ALG6: variants seen among roughly 807,000 people sequenced by gnomAD.
ALG6 encodes the protein dolichyl pyrophosphate Man9GlcNAc2 alpha-1,3-glucosyltransferase.
A neutral mutation model predicts 66.6 loss-of-function variants in ALG6; 46 were observed. The observed-to-expected ratio is 0.69, with a 90% CI of 0.55 to 0.88. ALG6 has a LOEUF of 0.88. Among genes scored for constraint, ALG6 ranks in the 40% least tolerant of loss-of-function variants. ALG6 has a pLI of 0.00. For synonymous variants in ALG6, 185 were observed against 203.7 expected, an observed-to-expected ratio of 0.91 and a Z score of 0.78; for missense variants, 505 against 586.8, an observed-to-expected ratio of 0.86 and a Z score of 1.44.
At chr1:63,382,348 T>A (rs868549852) in intron 2 of ALG6, among the ~76,000 whole-genome samples, 1 of 151,656 alleles carries the variant, frequency 6.6e-6, no homozygotes, top group South Asian at 2.1e-4. Context: ...ACTACAAGCA[T>A]GAGCCACCAC....
At chr1:63,401,310 T>G (rs1197291961) in intron 3 of ALG6, among the ~76,000 whole-genome samples, 2 of 152,118 alleles carry the variant, frequency 1.3e-5, no homozygotes, top group African/African-American at 4.8e-5. Flanking sequence ...GAATGCTAAT[T>G]TAAAGAAATA....
intron 5 of ALG6, 61 bp downstream of exon 5, chr1:63,404,602 G>T (rs1038803082): frequency 3.0e-6 from 4 of 1,330,836 alleles, no homozygotes; most frequent in South Asian, 1.2e-5. Flanking sequence ...GGACAAACTG[G>T]TAAAGGTACT....
chr1:63,408,249 G>A (rs1415818703), intron 7 of ALG6, among the ~76,000 whole-genome samples: 2 of 152,050 alleles, frequency 1.3e-5, no homozygotes, highest in Non-Finnish European at 2.9e-5. Context: ...TTATATGAAA[G>A]GGACAGCATA....
Position 63,374,401 on chromosome 1 carries a change from G to A in ALG6, c.82+3342G>A, listed in dbSNP as rs146887616. Among the ~76,000 whole-genome samples the A allele has an allele frequency of 7.9e-3, 1,203 of 152,290 alleles. 20 individuals are homozygous for A. Among genetic ancestry groups the A allele is most frequent in the African/African-American group, 0.028 (1,159 of 41,550 alleles). ...CCAGCACTTTGGGAGGCCGAAGTGGGCCGATCACATGAGGTCAGGAGTTCG... is the reference window on the plus strand; with the variant it reads ...CCAGCACTTTGGGAGGCCGAAGTGGACCGATCACATGAGGTCAGGAGTTCG... On this transcript the variant is annotated intron_variant, in intron 2 of 14. Transcript: ENST00000263440.
At chr1:63,368,626 G>A (rs1392693890) in intron 1 of ALG6, among the ~76,000 whole-genome samples, 7 of 151,828 alleles carry the variant, frequency 4.6e-5, no homozygotes, top group Non-Finnish European at 7.4e-5. Context: ...TCAGCCTCAC[G>A]AGTAGCTGGG....
At chr1:63,418,578 A>G (rs1289237857) in intron 11 of ALG6, among the ~76,000 whole-genome samples, 1 of 152,146 alleles carries the variant, frequency 6.6e-6, no homozygotes, top group Non-Finnish European at 1.5e-5. Context: ...TAAGTATAAT[A>G]GGAAGCTATT....
intron 3 of ALG6, among the ~76,000 whole-genome samples, chr1:63,398,231 G>A (rs967476875): frequency 1.3e-5 from 2 of 152,164 alleles, no homozygotes; most frequent in African/African-American, 4.8e-5. Flanking sequence ...AGTTTGGAGT[G>A]TTTCAAATGG....
At chr1:63,388,251 C>T (rs559333343) in intron 2 of ALG6, among the ~76,000 whole-genome samples, 12 of 151,984 alleles carry the variant, frequency 7.9e-5, no homozygotes, top group Middle Eastern at 3.4e-3. Context: ...CTGGAACCTC[C>T]GCCTTCCAGA....
chr1:63,379,907 G>T (rs1648250147), intron 2 of ALG6, among the ~76,000 whole-genome samples: 1 of 151,738 alleles, frequency 6.6e-6, no homozygotes, highest in Non-Finnish European at 1.5e-5. Context: ...ATTTTTAAAA[G>T]CTCCATAAGT....
At chr1:63,427,527 C>G (rs1644621946) in intron 12 of ALG6, among the ~76,000 whole-genome samples, 1 of 152,032 alleles carries the variant, frequency 6.6e-6, no homozygotes, top group African/African-American at 2.4e-5. Flanking sequence ...AAAGTAAACA[C>G]TAGATGATAC....
chr1:63,372,025 C>T (rs59220520), intron 2 of ALG6, among the ~76,000 whole-genome samples: 1,814 of 152,276 alleles, frequency 0.012, 35 homozygotes, highest in African/African-American at 0.04. Flanking sequence ...GAGAAAACTT[C>T]AGGAAAGATG....
At chr1:63,435,346 C>T (rs1010686743) in intron 14 of ALG6, among the ~76,000 whole-genome samples, 2 of 152,190 alleles carry the variant, frequency 1.3e-5, no homozygotes, top group African/African-American at 4.8e-5. Flanking sequence ...GATGTTTGCA[C>T]TTCCCACTAA....
At chr1:63,387,923 C>T (rs939425519) in intron 2 of ALG6, among the ~76,000 whole-genome samples, 1 of 151,858 alleles carries the variant, frequency 6.6e-6, no homozygotes, top group Admixed American at 6.6e-5. Flanking sequence ...TTTTGGTTTC[C>T]ATTTGCATGG....
chr1:63,382,369 T>C (rs1044676211), intron 2 of ALG6, among the ~76,000 whole-genome samples: 1 of 151,530 alleles, frequency 6.6e-6, no homozygotes, highest in Non-Finnish European at 1.5e-5. Context: ...GCCCAGCTAA[T>C]TTTTTGTATT....
intron 9 of ALG6, 79 bp from the exon 10 acceptor site, chr1:63,413,982 A>C: frequency 9.3e-7 from 1 of 1,073,500 alleles, no homozygotes. Context: ...AGTTTATTAG[A>C]GATTATGGGC....
At chr1:63,407,278 G>A (rs1644493737) in intron 7 of ALG6, 152 bp downstream of exon 7, 1 of 626,638 alleles carries the variant, frequency 1.6e-6, no homozygotes, top group Non-Finnish European at 2.8e-6. Flanking sequence ...TCTTCACTAA[G>A]CTTTTATTTG....
intron 2 of ALG6, among the ~76,000 whole-genome samples, chr1:63,377,170 C>T (rs1648161403): frequency 1.3e-5 from 2 of 152,080 alleles, no homozygotes; most frequent in South Asian, 4.1e-4. Context: ...CCATGTTGGC[C>T]AGGCTGGTCT....
At chr1:63,385,855 T>C (rs1648487557) in intron 2 of ALG6, among the ~76,000 whole-genome samples, 1 of 143,446 alleles carries the variant, frequency 7.0e-6, no homozygotes, top group Non-Finnish European at 1.5e-5. Context: ...CAGCACTATG[T>C]TGAATAACAG....
At chr1:63,423,718 A>G (rs1043232844) in intron 12 of ALG6, among the ~76,000 whole-genome samples, 1 of 152,194 alleles carries the variant, frequency 6.6e-6, no homozygotes, top group Non-Finnish European at 1.5e-5. Context: ...TCGATACACT[A>G]CATTTTGTTC....
Sources: allele counts gnomAD v4.1 joint callset (sites outside exome capture counted in the v4.1 genomes callset), GRCh38; gene constraint gnomAD v4.1.1; transcripts MANE v1.5; gene names NCBI Gene and HGNC (gene_info 2026-07-23, HGNC 2026-07-21).